The following DKK3 variants were observed in gnomAD, a reference collection of about 807,000 sequenced individuals.
DKK3 encodes the protein dickkopf Wnt signaling pathway inhibitor 3, also known as dickkopf-related protein 3.
A neutral mutation model predicts 33.2 loss-of-function variants in DKK3; 22 were observed. That is an observed-to-expected ratio of 0.66 (90% CI 0.47 to 0.95). The LOEUF (loss-of-function observed/expected upper bound fraction) is 0.95. Among genes scored for constraint, DKK3 ranks in the 40% least tolerant of loss-of-function variants. The pLI is 0.00. For synonymous variants in DKK3, 194 were observed against 188.8 expected, an observed-to-expected ratio of 1.03 and a Z score of -0.23; for missense variants, 398 against 458.4, an observed-to-expected ratio of 0.87 and a Z score of 1.20.
At chr11:11,977,124 C>A (rs1847850414) in intron 3 of DKK3, among the ~76,000 whole-genome samples, 5 of 152,176 alleles carry the variant, frequency 3.3e-5, no homozygotes, top group Admixed American at 3.3e-4. Context: ...CACCAATTTT[C>A]TTCCCCCAAG....
intron 2 of DKK3, among the ~76,000 whole-genome samples, chr11:12,001,136 G>A (rs976701811): frequency 6.6e-6 from 1 of 152,192 alleles, no homozygotes; most frequent in Non-Finnish European, 1.5e-5. Context: ...AACCAAACCT[G>A]TTGGTTAATT....
chr11:11,999,698 GTGTGTTCTTTGAGCTC>G (rs2133325541), intron 2 of DKK3, among the ~76,000 whole-genome samples: 1 of 152,314 alleles, frequency 6.6e-6, no homozygotes, highest in East Asian at 1.9e-4. Flanking sequence ...GCTAGGAGAT[GTGTGTTCTTTGAGCTC>G]TGTCTCAGTC....
At position 11,968,461 on chromosome 11, in the gene DKK3, C is replaced by T. The variant is rs748623386; in HGVS notation, c.462G>A (p.Gly154=). 2 of 1,613,324 alleles carry T rather than the reference C, an allele frequency of 1.2e-6. No individual in the cohort carries two copies. The highest frequency in any genetic ancestry group is 4.5e-5 in the East Asian group (2 of 44,772). Residue 154 remains glycine (G), a synonymous_variant, in exon 4 of 7, where the codon GGG becomes GGA. Coordinates refer to ENST00000683431, the MANE Select transcript of DKK3 (RefSeq NM_001018057.2). ...SHECIIDEDC[G]PSMYCQFASF... ...TGGCAAACTGGCAGTACATGCTGGG[C>T]CCACAGTCCTCGTCGATGATGCACT...
At chr11:12,004,436 GA>G (rs2133335258) in intron 1 of DKK3, among the ~76,000 whole-genome samples, 1 of 152,310 alleles carries the variant, frequency 6.6e-6, no homozygotes, top group South Asian at 2.1e-4. Flanking sequence ...TCTGGGTAGG[GA>G]CCTTCTAGGT....
intron 3 of DKK3, among the ~76,000 whole-genome samples, chr11:11,972,178 T>C (rs1847738545): frequency 6.6e-6 from 1 of 152,212 alleles, no homozygotes; most frequent in African/African-American, 2.4e-5. Flanking sequence ...AGGCAGGAGC[T>C]GTTTTGCAGG....
intron 3 of DKK3, among the ~76,000 whole-genome samples, chr11:11,985,599 A>C (rs923821018): frequency 1.3e-5 from 2 of 152,204 alleles, no homozygotes; most frequent in African/African-American, 4.8e-5. Context: ...CTTTGGAGTA[A>C]GACAGACTTA....
intron 3 of DKK3, among the ~76,000 whole-genome samples, chr11:11,973,983 G>C (rs185632509): frequency 8.2e-4 from 125 of 152,340 alleles, no homozygotes; most frequent in Non-Finnish European, 1.5e-3. Flanking sequence ...CTGGGCACTT[G>C]GATTTCCCAC....
chr11:11,979,058 C>A (rs1422173719), intron 3 of DKK3: 1 of 152,278 alleles, frequency 6.6e-6, no homozygotes, highest in Non-Finnish European at 1.5e-5. Context: ...AGAGCAGCTA[C>A]AGAGGTGGGG....
intron 3 of DKK3, among the ~76,000 whole-genome samples, chr11:11,989,966 T>C (rs1158206786): frequency 6.6e-6 from 1 of 152,216 alleles, no homozygotes; most frequent in African/African-American, 2.4e-5. Context: ...GTCAGATGCC[T>C]GGCACAGCGC....
At chr11:11,983,179 G>A (rs923681516) in intron 3 of DKK3, among the ~76,000 whole-genome samples, 1 of 152,178 alleles carries the variant, frequency 6.6e-6, no homozygotes, top group African/African-American at 2.4e-5. Flanking sequence ...CTTTTTAGAT[G>A]AGTCAGTGAG....
intron 1 of DKK3, among the ~76,000 whole-genome samples, chr11:12,004,556 C>T (rs892288584): frequency 1.2e-4 from 18 of 152,148 alleles, no homozygotes; most frequent in African/African-American, 3.4e-4. Context: ...GTGGAAAGTA[C>T]CAGGATTCTG....
chr11:11,985,045 C>T (rs994304432), intron 3 of DKK3, among the ~76,000 whole-genome samples: 2 of 152,168 alleles, frequency 1.3e-5, no homozygotes, highest in Admixed American at 6.5e-5. Context: ...CAAGAGGCCA[C>T]GTCAAATTTT....
intron 1 of DKK3, among the ~76,000 whole-genome samples, chr11:12,006,386 G>A (rs1262765833): frequency 2.6e-5 from 4 of 152,212 alleles, no homozygotes; most frequent in South Asian, 4.1e-4. Flanking sequence ...CTAAGAGGTG[G>A]ACATTTCTCC....
intron 3 of DKK3, chr11:11,998,367 A>G: frequency 4.8e-6 from 2 of 418,132 alleles, no homozygotes; most frequent in Non-Finnish European, 4.3e-6. Flanking sequence ...TGGGGATTTC[A>G]CCACCTGATA....
Position 11,965,116 on chromosome 11 carries a change from T to A in DKK3, c.831-430A>T, listed in dbSNP as rs549849699. Reference sequence around the variant, plus strand: ...AATAGGGAGGAAGAATTCCTTTTTTTAAAAAAAATTAATGTGTTTGGTAGA... The same window carrying A: ...AATAGGGAGGAAGAATTCCTTTTTTAAAAAAAAATTAATGTGTTTGGTAGA... On this transcript the variant is annotated intron_variant, in intron 6 of 6. Transcript: ENST00000683431. Among the ~76,000 whole-genome samples the A allele has an allele frequency of 3.5e-3, 535 of 152,164 alleles. 4 individuals carry two copies. The highest frequency in any genetic ancestry group is 1.0e-2 in the African/African-American group (414 of 41,518).
At chr11:11,986,074 A>C (rs1040287916) in intron 3 of DKK3, among the ~76,000 whole-genome samples, 29 of 152,170 alleles carry the variant, frequency 1.9e-4, no homozygotes, top group African/African-American at 7.0e-4. Context: ...AGGCATGAGA[A>C]GGATGGAATC....
At chr11:11,981,498 A>C (rs1306345357) in intron 3 of DKK3, among the ~76,000 whole-genome samples, 1 of 152,234 alleles carries the variant, frequency 6.6e-6, no homozygotes, top group East Asian at 1.9e-4. Context: ...TTTGGGTAAC[A>C]GATGCCCAGA....
chr11:12,009,159 G>A (rs1201577380), upstream of DKK3: 5 of 983,034 alleles, frequency 5.1e-6, no homozygotes, highest in Non-Finnish European at 6.0e-6. Flanking sequence ...CCCCGCCGCC[G>A]CCCCTCACCC....
chr11:11,989,059 G>A (rs1326080378), intron 3 of DKK3, among the ~76,000 whole-genome samples: 1 of 152,142 alleles, frequency 6.6e-6, no homozygotes, highest in Non-Finnish European at 1.5e-5. Context: ...CATGAAGACT[G>A]AAAGGTTGAA....
Sources: gnomAD v4.1 joint callset for allele counts (sites outside exome capture counted in the v4.1 genomes callset) on GRCh38, gnomAD v4.1.1 for gene constraint, MANE v1.5 for transcripts, NCBI Gene and HGNC (gene_info 2026-07-23, HGNC 2026-07-21) for gene names.